MAP3K20: variants seen among roughly 807,000 people sequenced by gnomAD.
MAP3K20 encodes the protein HCCS-4.
In MAP3K20, 40 loss-of-function variants were observed where a neutral mutation model predicts 85.7. The observed-to-expected ratio is 0.47, with a 90% confidence interval of 0.36 to 0.61. The LOEUF (loss-of-function observed/expected upper bound fraction) is 0.61, where lower values mean the gene tolerates loss of function less well. MAP3K20 is among the 20% of genes least tolerant of loss of function. The probability of loss-of-function intolerance (pLI) is 0.00; values close to 1 mark genes in which losing one functional copy is unlikely to be tolerated. For missense variants in MAP3K20, 817 were observed against 961.7 expected (o/e 0.85, Z 1.99); for synonymous variants, 325 against 327.7 (o/e 0.99, Z 0.09).
intron 2 of MAP3K20, among the ~76,000 whole-genome samples, chr2:173,102,110 C>G (rs1687654857): frequency 6.6e-6 from 1 of 152,168 alleles, no homozygotes; most frequent in African/African-American, 2.4e-5. Flanking sequence ...TTTGTACTTT[C>G]TGGACTCTAC....
Position 173,266,561 on chromosome 2 carries a change from C to G in MAP3K20, c.2214C>G (p.His738Gln). 1 of 1,613,846 alleles carries G rather than the reference C, an allele frequency of 6.2e-7. No homozygotes were observed. The highest frequency in any genetic ancestry group is 8.5e-7 in the Non-Finnish European group (1 of 1,179,926). ...TCAAGAGAAGCCCCAGGGACCTCCACCAACCCAACACCATACCAGGGATGC... is the reference window on the plus strand; with the variant it reads ...TCAAGAGAAGCCCCAGGGACCTCCAGCAACCCAACACCATACCAGGGATGC... Reference protein sequence around the residue: ...PDFKRSPRDLHQPNTIPGMPL... With the variant: ...PDFKRSPRDLQQPNTIPGMPL... The change falls in exon 20 of 20, where the codon CAC (histidine) becomes CAG (glutamine). Residue 738 changes from histidine (H) to glutamine (Q), a missense_variant. His to Gln is a conservative substitution (Grantham distance 24). Transcript: ENST00000375213.
At chr2:173,147,775 C>T (rs1486495117) in intron 2 of MAP3K20, among the ~76,000 whole-genome samples, 1 of 151,984 alleles carries the variant, frequency 6.6e-6, no homozygotes, top group African/African-American at 2.4e-5. Context: ...TTAGTAGAGA[C>T]AGGGTTTCAC....
intron 12 of MAP3K20, among the ~76,000 whole-genome samples, chr2:173,230,910 C>T (rs781515226): frequency 7.0e-4 from 106 of 152,094 alleles, no homozygotes; most frequent in Non-Finnish European, 1.8e-4. Context: ...GCAAGAGAAT[C>T]GCTTGAATAT....
At chr2:173,140,713 T>C (rs1381802257) in intron 2 of MAP3K20, among the ~76,000 whole-genome samples, 1 of 152,158 alleles carries the variant, frequency 6.6e-6, no homozygotes, top group Non-Finnish European at 1.5e-5. Context: ...TAAAAATGGA[T>C]CATGTGAAGA....
At position 173,246,444 on chromosome 2, in the gene MAP3K20, C is replaced by T. The variant is rs577040156; in HGVS notation, c.1359+6948C>T. ...ATCTCAGGCGACTTCATGCGCTCCC[C>T]AGGGTGGCAACCACCCCTTTTTATT... On this transcript the variant is annotated intron_variant, in intron 16 of 19. Transcript: ENST00000375213. Among the ~76,000 whole-genome samples, 3 of 152,284 alleles carry T rather than the reference C, an allele frequency of 2.0e-5. 1 individual carries two copies. The highest frequency in any genetic ancestry group is 7.2e-5 in the African/African-American group (3 of 41,566).
rs115710894 is a variant in MAP3K20, at chr2:173,159,562, G to A, written c.160-10243G>A. Among the ~76,000 whole-genome samples, 1,269 of 152,024 alleles carry A rather than the reference G, an allele frequency of 8.3e-3. 8 individuals carry two copies. The highest frequency in any genetic ancestry group is 0.016 in the South Asian group (79 of 4,796). The stretch of plus-strand genomic sequence containing the variant: ...ATGCCACTACGCCTGGCTAATTTCT[G>A]CATTTTTTGTAGAGATAGGGTCTCA... On this transcript the variant is annotated intron_variant, in intron 2 of 19. Transcript: ENST00000375213.
chr2:173,171,078 T>C (rs1689986504), intron 3 of MAP3K20, among the ~76,000 whole-genome samples: 1 of 152,198 alleles, frequency 6.6e-6, no homozygotes, highest in Admixed American at 6.5e-5. Flanking sequence ...GATTTGTGAC[T>C]GAAATGGGGC....
chr2:173,227,214 G>C, intron 11 of MAP3K20: 1 of 882,206 alleles, frequency 1.1e-6, no homozygotes, highest in Non-Finnish European at 1.4e-6. Context: ...TCCTTTGAAG[G>C]AATCGTTGTC....
At chr2:173,102,734 G>C (rs1687670033) in intron 2 of MAP3K20, among the ~76,000 whole-genome samples, 1 of 152,160 alleles carries the variant, frequency 6.6e-6, no homozygotes, top group Non-Finnish European at 1.5e-5. Flanking sequence ...AAAATCAGCT[G>C]ATCTCACGAC....
chr2:173,232,245 T>A (rs200139157), intron 13 of MAP3K20, 23 bp downstream of exon 13: 1 of 1,614,244 alleles, frequency 6.2e-7, no homozygotes, highest in Admixed American at 1.7e-5. Flanking sequence ...AGTTACCTTC[T>A]TCAATCATGG....
At chr2:173,156,329 G>A (rs1574064050) in intron 2 of MAP3K20, among the ~76,000 whole-genome samples, 1 of 152,160 alleles carries the variant, frequency 6.6e-6, no homozygotes, top group East Asian at 1.9e-4. Context: ...AAGGAATTGA[G>A]GGACTAGAAG....
chr2:173,259,718 T>C (rs1452715650), intron 17 of MAP3K20, among the ~76,000 whole-genome samples: 1 of 152,230 alleles, frequency 6.6e-6, no homozygotes, highest in Non-Finnish European at 1.5e-5. Flanking sequence ...TCAAGCAGAT[T>C]GATTTGATAT....
At chr2:173,220,445 G>A (rs990644135) in intron 11 of MAP3K20, among the ~76,000 whole-genome samples, 1 of 150,876 alleles carries the variant, frequency 6.6e-6, no homozygotes, top group Non-Finnish European at 1.5e-5. Context: ...TTTCTTCCCA[G>A]TTTTCATGTG....
chr2:173,252,289 T>C (rs1300655479), intron 16 of MAP3K20, among the ~76,000 whole-genome samples: 1 of 152,164 alleles, frequency 6.6e-6, no homozygotes, highest in Admixed American at 6.5e-5. Flanking sequence ...ATCAACTGAG[T>C]GTCGTTTAGG....
intron 2 of MAP3K20, among the ~76,000 whole-genome samples, chr2:173,127,711 C>A (rs577601336): frequency 6.7e-6 from 1 of 148,496 alleles, no homozygotes; most frequent in Admixed American, 6.7e-5. Flanking sequence ...GGGAATACAT[C>A]AGTAAAATTT....
chr2:173,168,743 CT>C lies in MAP3K20; in HGVS notation c.160-1061del, dbSNP rs548840928. Among the ~76,000 whole-genome samples, 411 of 152,052 alleles carry C rather than the reference CT, an allele frequency of 2.7e-3. 3 individuals are homozygous for C. Among genetic ancestry groups the C allele is most frequent in the African/African-American group, 9.3e-3 (386 of 41,482 alleles). ...ATATTTAACTTACGTGATTTTATAC[CT>C]CATATTTATAATTCTTGATTAGCCA... On this transcript the variant is annotated intron_variant, in intron 2 of 19. Coordinates refer to ENST00000375213, the MANE Select transcript of MAP3K20 (RefSeq NM_016653.3).
At chr2:173,181,575 C>A (rs749476474) in intron 3 of MAP3K20, among the ~76,000 whole-genome samples, 1 of 152,128 alleles carries the variant, frequency 6.6e-6, no homozygotes. Context: ...CACACATAGA[C>A]ATGTACACAA....
chr2:173,142,508 G>GAC (rs1426085613), intron 2 of MAP3K20, among the ~76,000 whole-genome samples: 3 of 151,390 alleles, frequency 2.0e-5, no homozygotes, highest in Admixed American at 1.3e-4. Context: ...ATATCACAAT[G>GAC]ACACAAAGGA....
At chr2:173,234,906 G>A (rs1465599921) in intron 14 of MAP3K20, among the ~76,000 whole-genome samples, 4 of 152,306 alleles carry the variant, frequency 2.6e-5, no homozygotes, top group African/African-American at 7.2e-5. Context: ...TATTAAAAAG[G>A]CAAGGCTGGG....
Sources: allele counts gnomAD v4.1 joint callset (sites outside exome capture counted in the v4.1 genomes callset), GRCh38; gene constraint gnomAD v4.1.1; transcripts MANE v1.5; gene names NCBI Gene and HGNC (gene_info 2026-07-23, HGNC 2026-07-21).